Variants in DYNC2I1 observed in about 807,000 individuals in gnomAD.
DYNC2I1 encodes the protein cytoplasmic dynein 2 intermediate chain 1.
In DYNC2I1, 89 loss-of-function variants were observed where a neutral mutation model predicts 133.4. The observed-to-expected ratio is 0.67, with a 90% confidence interval of 0.56 to 0.80. The LOEUF (loss-of-function observed/expected upper bound fraction) is 0.80, where lower values mean the gene tolerates loss of function less well. DYNC2I1 is among the 30% of genes least tolerant of loss of function. DYNC2I1 has a pLI of 0.00. For synonymous variants in DYNC2I1, 504 were observed against 484.3 expected (o/e 1.04, Z -0.54); for missense variants, 1,291 against 1,314.5 (o/e 0.98, Z 0.28).
At chr7:158,891,799 T>G (rs1845248368) in intron 8 of DYNC2I1, among the ~76,000 whole-genome samples, 1 of 152,210 alleles carries the variant, frequency 6.6e-6, no homozygotes, top group Non-Finnish European at 1.5e-5. Context: ...TATAAATAAT[T>G]TTCAGAATAT....
At chr7:158,879,099 C>T (rs2657358) in intron 4 of DYNC2I1, among the ~76,000 whole-genome samples, 22,794 of 152,000 alleles carry the variant, frequency 0.15, 1,927 homozygotes, top group Middle Eastern at 0.24. Flanking sequence ...TCTGTGGGAG[C>T]GAGGTGGCTG....
In DYNC2I1 at chr7:158,871,285, C is replaced by T. The variant is rs573392724; in HGVS notation, c.213C>T (p.Ala71=). 2.8e-5 allele frequency: 45 copies of T among 1,590,288 alleles called. No homozygotes were observed. The Admixed American group carries it at 2.9e-4, about 10-fold the overall frequency. The change falls in exon 3 of 25, where the codon GCC becomes GCT. Residue 71 remains alanine (A), a synonymous_variant. Coordinates refer to ENST00000407559, the MANE Select transcript of DYNC2I1 (RefSeq NM_018051.5). The part of the protein sequence containing the change: ...DQDARSRDRV[A]EVHTAKESPR... ...ATGCCAGGAGCAGAGACAGGGTGGC[C>T]GAAGTCCACACCGCTAAGGAGAGTC... is the stretch of plus-strand genomic sequence containing the variant.
chr7:158,911,230 C>T (rs1425925094), intron 11 of DYNC2I1, among the ~76,000 whole-genome samples: 5 of 152,184 alleles, frequency 3.3e-5, no homozygotes, highest in African/African-American at 1.2e-4. Flanking sequence ...AGGAACATCC[C>T]AGGCATATAT....
At chr7:158,905,869 G>T (rs1044773502) in intron 10 of DYNC2I1, 120 bp from the exon 11 acceptor site, 10 of 689,110 alleles carry the variant, frequency 1.5e-5, no homozygotes, top group Admixed American at 5.9e-5. Context: ...TTTGTCATTA[G>T]TTGAAGGGTT....
At chr7:158,840,565 T>TA in the DYNC2I1 span, among the ~76,000 whole-genome samples, 2 of 152,172 alleles carry the variant, frequency 1.3e-5, no homozygotes, top group Non-Finnish European at 2.9e-5. Context: ...AGACTCCGTC[T>TA]AAAAAAATGG....
At chr7:158,854,564 C>T (rs1333961270), upstream of DYNC2I1, among the ~76,000 whole-genome samples, 2 of 151,992 alleles carry the variant, frequency 1.3e-5, no homozygotes, top group African/African-American at 4.8e-5. Flanking sequence ...ATGGGTGTCG[C>T]AAACCACCGT....
chr7:158,857,288 T>G (rs1411335504), intron 1 of DYNC2I1, among the ~76,000 whole-genome samples: 1 of 152,038 alleles, frequency 6.6e-6, no homozygotes, highest in Non-Finnish European at 1.5e-5. Context: ...CATTATAGGG[T>G]GTTTAAGAAG....
At chr7:158,927,557 ATTTTT>A (rs35518012) in intron 20 of DYNC2I1, among the ~76,000 whole-genome samples, 1 of 147,692 alleles carries the variant, frequency 6.8e-6, no homozygotes, top group Non-Finnish European at 1.5e-5. Context: ...TTCTGAATGA[ATTTTT>A]TTTTTTTTTG....
chr7:158,922,367 T>C lies in DYNC2I1; in HGVS notation c.1922-10T>C. The C allele has an allele frequency of 1.2e-6, 2 of 1,608,994 alleles. No homozygotes were observed. The highest frequency in any genetic ancestry group is 1.7e-6 in the Non-Finnish European group (2 of 1,177,306). On this transcript the variant is annotated splice_polypyrimidine_tract_variant and intron_variant, in intron 15 of 24. Transcript: ENST00000407559. ...TCGTTGAAATGTGAACATATTTTTC[T>C]TCTCCCTAGATCGAAAAGTATCCTC...
chr7:158,931,553 A>T (rs1255630840), intron 21 of DYNC2I1, among the ~76,000 whole-genome samples: 4 of 152,134 alleles, frequency 2.6e-5, no homozygotes, highest in Non-Finnish European at 5.9e-5. Context: ...ACGACTTTTT[A>T]TCTCTGCTAG....
chr7:158,941,674 G>A (rs182404063), intron 23 of DYNC2I1, among the ~76,000 whole-genome samples: 2 of 152,170 alleles, frequency 1.3e-5, no homozygotes, highest in African/African-American at 4.8e-5. Flanking sequence ...TTGAGGCCAG[G>A]AGTTCGAGAC....
downstream of DYNC2I1, among the ~76,000 whole-genome samples, chr7:158,950,361 GGCCTA>G (rs1322534213): frequency 1.3e-5 from 2 of 152,218 alleles, no homozygotes; most frequent in Admixed American, 1.3e-4. Context: ...CACTGTGCCT[GGCCTA>G]AGATTCCAGG....
At chr7:158,896,866 GT>G (rs71523866) in intron 8 of DYNC2I1, among the ~76,000 whole-genome samples, 62,440 of 143,956 alleles carry the variant, frequency 0.43, 13,870 homozygotes, top group East Asian at 0.71. Context: ...TTGGTCTGTA[GT>G]TTTTTTTTTT....
At chr7:158,903,679 C>T (rs1846460008) in intron 10 of DYNC2I1, 1 of 152,236 alleles carries the variant, frequency 6.6e-6, no homozygotes, top group Non-Finnish European at 1.5e-5. Flanking sequence ...GACTGTTTCC[C>T]TCAGTTCCCC....
At chr7:158,946,834 G>A (rs1851900692), downstream of DYNC2I1, among the ~76,000 whole-genome samples, 1 of 152,174 alleles carries the variant, frequency 6.6e-6, no homozygotes, top group Admixed American at 6.5e-5. Flanking sequence ...TGAGGTGAAC[G>A]GATGGGCACA....
chr7:158,902,122 G>T (rs1846316050), intron 9 of DYNC2I1, among the ~76,000 whole-genome samples: 1 of 152,168 alleles, frequency 6.6e-6, no homozygotes, highest in Non-Finnish European at 1.5e-5. Context: ...ACAAATGTTT[G>T]CACGTGATGA....
chr7:158,948,339 A>C (rs542451660), downstream of DYNC2I1, among the ~76,000 whole-genome samples: 2 of 152,334 alleles, frequency 1.3e-5, no homozygotes, highest in East Asian at 3.9e-4. Flanking sequence ...CTTTCTTCCA[A>C]GGCAGACAGC....
In DYNC2I1 at chr7:158,887,069, A is replaced by C. The variant is rs1315650076; in HGVS notation, c.984A>C (p.Arg328Ser). The C allele has an allele frequency of 1.2e-6, 2 of 1,613,672 alleles. No individual in the cohort carries two copies. Among genetic ancestry groups the C allele is most frequent in the African/African-American group, 2.7e-5 (2 of 74,926 alleles). The change falls in exon 7 of 25, where the codon AGA becomes AGC. Residue 328 changes from arginine (R) to serine (S), a missense_variant. By Grantham distance (110) the Arg-to-Ser change is moderately radical. Coordinates refer to ENST00000407559, the MANE Select transcript of DYNC2I1 (RefSeq NM_018051.5). ...VRNHGKDKDS[R>S]RKHGHEEGSS... ...ATCATGGAAAAGATAAAGATTCAAGACGGAAGGTAAGGCAGTCTCCACTGA... is the reference window on the plus strand; with the variant it reads ...ATCATGGAAAAGATAAAGATTCAAGCCGGAAGGTAAGGCAGTCTCCACTGA...
rs533493145 is a variant in DYNC2I1 at position 158,932,500 on chromosome 7, C to T, written c.2547-1629C>T. Among the ~76,000 whole-genome samples the T allele has an allele frequency of 3.2e-4, 45 of 141,054 alleles. 1 individual carries two copies. Among genetic ancestry groups the T allele is most frequent in the Admixed American group, 9.1e-4 (13 of 14,266 alleles). 92.5% of individuals were successfully genotyped at this position (141,054 alleles called of 152,430 possible). On this transcript the variant is annotated intron_variant, in intron 21 of 24. Coordinates refer to ENST00000407559, the MANE Select transcript of DYNC2I1 (RefSeq NM_018051.5). The stretch of plus-strand genomic sequence containing the variant: ...GTGGACATTAGCATAAAGGTGGTCA[C>T]GAGCTGTCAGTGGGTCTGATGGTGA...
Sources: allele counts gnomAD v4.1 joint callset (sites outside exome capture counted in the v4.1 genomes callset), GRCh38; gene constraint gnomAD v4.1.1; transcripts MANE v1.5; gene names NCBI Gene and HGNC (gene_info 2026-07-23, HGNC 2026-07-21).